HMCN1: variants seen among roughly 807,000 people sequenced by gnomAD.
HMCN1 encodes hemicentin 1.
HMCN1 carries 321 observed loss-of-function variants against 625.9 expected under a neutral mutation model. The ratio of observed to expected loss-of-function variants is 0.51; its 90% CI spans 0.47 to 0.56. The LOEUF (loss-of-function observed/expected upper bound fraction) is 0.56, where lower values mean the gene tolerates loss of function less well. Among genes scored for constraint, HMCN1 ranks in the 20% least tolerant of loss-of-function variants. The pLI, the probability that HMCN1 is intolerant of heterozygous loss-of-function variation, is 0.00. For missense variants in HMCN1, 6,588 were observed against 6,887.3 expected (o/e 0.96, Z 1.54); for synonymous variants, 2,425 against 2,417.6 (o/e 1.00, Z -0.09).
intron 1 of HMCN1, among the ~76,000 whole-genome samples, chr1:185,833,044 TC>T (rs1439866299): frequency 6.6e-6 from 1 of 152,218 alleles, no homozygotes; most frequent in African/African-American, 2.4e-5. Flanking sequence ...CCTTCTTATT[TC>T]TATAGTAGCA....
At chr1:185,956,688 A>G (rs1402795448) in intron 11 of HMCN1, among the ~76,000 whole-genome samples, 3 of 152,062 alleles carry the variant, frequency 2.0e-5, no homozygotes, top group Admixed American at 2.0e-4. Flanking sequence ...ATCACGGGCC[A>G]TCAGTGATCA....
intron 1 of HMCN1, among the ~76,000 whole-genome samples, chr1:185,839,407 C>T (rs926586264): frequency 1.3e-5 from 2 of 152,042 alleles, no homozygotes; most frequent in African/African-American, 2.4e-5. Flanking sequence ...ACCTTGAGAA[C>T]GTTGGAAAGC....
intron 83 of HMCN1, 52 bp from the exon 84 acceptor site, chr1:186,129,914 A>C: frequency 1.2e-6 from 2 of 1,610,336 alleles, no homozygotes; most frequent in Non-Finnish European, 1.7e-6. Flanking sequence ...GCTGTCGTGA[A>C]ATTTTTCCTA....
chr1:186,151,674 G>T lies in HMCN1; in HGVS notation c.14827G>T (p.Glu4943Ter). The T allele has an allele frequency of 6.2e-7, 1 of 1,613,250 alleles. No individual in the cohort carries two copies. Among genetic ancestry groups the T allele is most frequent in the Non-Finnish European group, 8.5e-7 (1 of 1,179,338 alleles). The change falls in exon 95 of 107, where the codon GAA (glutamate) becomes TAA (stop). Residue 4943 changes from glutamate (E) to a stop codon, truncating the protein, a stop_gained. Coordinates refer to ENST00000271588, the MANE Select transcript of HMCN1 (RefSeq NM_031935.3). LOFTEE classifies it high-confidence loss of function. ...TTGGACAACAGCAAAGGAAATAGGAGAAGCAGTCAATGGCTTTACCCTCAC... is the reference window on the plus strand; with the variant it reads ...TTGGACAACAGCAAAGGAAATAGGATAAGCAGTCAATGGCTTTACCCTCAC... ...IYWTTAKEIG[E>*]AVNGFTLTNA... is the part of the protein sequence containing the mutation.
intron 1 of HMCN1, among the ~76,000 whole-genome samples, chr1:185,747,325 T>G (rs1263911788): frequency 6.6e-6 from 1 of 151,512 alleles, no homozygotes; most frequent in Non-Finnish European, 1.5e-5. Context: ...CCTGTTACTT[T>G]TTTTTTTTTT....
intron 2 of HMCN1, 63 bp from the exon 3 acceptor site, chr1:185,864,407 A>G (rs575141476): frequency 1.5e-5 from 23 of 1,550,550 alleles, no homozygotes; most frequent in Middle Eastern, 2.1e-4. Flanking sequence ...GCACCTTGTT[A>G]TAACCAAAAT....
chr1:186,110,185 C>G (rs1191504304), intron 71 of HMCN1, among the ~76,000 whole-genome samples: 1 of 152,126 alleles, frequency 6.6e-6, no homozygotes, highest in Non-Finnish European at 1.5e-5. Flanking sequence ...TCCATATTTA[C>G]TTTAAAAAAA....
chr1:186,091,198 TTGG>T, intron 64 of HMCN1, among the ~76,000 whole-genome samples: 1 of 152,150 alleles, frequency 6.6e-6, no homozygotes. Context: ...ATGTTAACTG[TTGG>T]TGATTTTATT....
intron 8 of HMCN1, among the ~76,000 whole-genome samples, chr1:185,923,898 C>G (rs2102478172): frequency 6.6e-6 from 1 of 152,264 alleles, no homozygotes; most frequent in South Asian, 2.1e-4. Context: ...AGTGTAAGAG[C>G]TGGAACTGGA....
At chr1:186,178,226 C>G (rs1163665276) in intron 103 of HMCN1, among the ~76,000 whole-genome samples, 190 bp from the exon 104 acceptor site, 3 of 152,098 alleles carry the variant, frequency 2.0e-5, no homozygotes, top group African/African-American at 7.2e-5. Context: ...AGAATCTGTC[C>G]TATGTTCATA....
chr1:185,765,611 G>A (rs1456218339), intron 1 of HMCN1, among the ~76,000 whole-genome samples: 2 of 152,162 alleles, frequency 1.3e-5, no homozygotes, highest in African/African-American at 4.8e-5. Context: ...AAGGAGGCAT[G>A]ATAACATGTC....
chr1:185,978,029 T>C (rs1219140960), intron 16 of HMCN1, 48 bp downstream of exon 16: 1 of 1,344,792 alleles, frequency 7.4e-7, no homozygotes, highest in Admixed American at 1.8e-5. Context: ...TTTTATGTTA[T>C]ATATTTATGT....
At chr1:185,789,521 T>C (rs1196257036) in intron 1 of HMCN1, among the ~76,000 whole-genome samples, 1 of 152,250 alleles carries the variant, frequency 6.6e-6, no homozygotes, top group African/African-American at 2.4e-5. Context: ...TGACTTTGTA[T>C]GTCAGAAATA....
At chr1:186,050,755 A>T (rs1032469591) in intron 42 of HMCN1, among the ~76,000 whole-genome samples, 1 of 152,092 alleles carries the variant, frequency 6.6e-6, no homozygotes, top group African/African-American at 2.4e-5. Context: ...GACATCAAAG[A>T]TAGATTCACT....
chr1:186,128,973 T>G (rs1571392712), intron 83 of HMCN1, among the ~76,000 whole-genome samples: 1 of 152,064 alleles, frequency 6.6e-6, no homozygotes, highest in South Asian at 2.1e-4. Flanking sequence ...TTTTCTATTA[T>G]AAAGAGTTAT....
chr1:186,057,247 C>A lies in HMCN1; in HGVS notation c.7158C>A (p.Ile2386=). ...TTTGTCTTACAGCTCCTCCAAGCATCATAGGAAACCACAGGTCACCTGAAA... is the reference window on the plus strand; with the variant it reads ...TTTGTCTTACAGCTCCTCCAAGCATAATAGGAAACCACAGGTCACCTGAAA... ...YDLSVHAPPS[I]IGNHRSPENI... The change falls in exon 46 of 107, where the codon ATC becomes ATA. Residue 2386 remains isoleucine, a synonymous_variant. Transcript: ENST00000271588. 1 of 1,611,182 alleles carries A rather than the reference C, an allele frequency of 6.2e-7. No homozygotes were observed. Among genetic ancestry groups the A allele is most frequent in the Non-Finnish European group, 8.5e-7 (1 of 1,177,924 alleles).
intron 11 of HMCN1, among the ~76,000 whole-genome samples, chr1:185,947,065 G>T (rs1245259547): frequency 6.6e-6 from 1 of 152,122 alleles, no homozygotes; most frequent in East Asian, 1.9e-4. Flanking sequence ...GTTGGCAGGG[G>T]TTGTGGGGGG....
chr1:186,028,868 G>T (rs945631645), intron 36 of HMCN1, among the ~76,000 whole-genome samples: 1 of 151,914 alleles, frequency 6.6e-6, no homozygotes, highest in South Asian at 2.1e-4. Flanking sequence ...GGGGTTACAG[G>T]CACCTGCCAC....
At chr1:185,948,996 T>A (rs1317031090) in intron 11 of HMCN1, among the ~76,000 whole-genome samples, 1 of 151,690 alleles carries the variant, frequency 6.6e-6, no homozygotes, top group African/African-American at 2.4e-5. Context: ...CGGTTTTGGA[T>A]GAATTGAGAA....
Sources: allele counts gnomAD v4.1 joint callset (sites outside exome capture counted in the v4.1 genomes callset), GRCh38; gene constraint gnomAD v4.1.1; transcripts MANE v1.5; gene names NCBI Gene and HGNC (gene_info 2026-07-23, HGNC 2026-07-21).